RBFOX1: variants seen among roughly 807,000 people sequenced by gnomAD.
RBFOX1 encodes RNA binding protein fox-1 homolog 1.
Under a neutral mutation model 57.7 loss-of-function variants are expected in RBFOX1, and 8 were observed. The observed-to-expected ratio is 0.14, with a 90% CI of 0.08 to 0.25. The LOEUF is 0.25. RBFOX1 is among the 10% of genes least tolerant of loss of function. The pLI, the probability that RBFOX1 is intolerant of heterozygous loss-of-function variation, is 1.00. For synonymous variants in RBFOX1, 326 were observed against 222.4 expected, an observed-to-expected ratio of 1.47 and a Z score of -4.15; for missense variants, 611 against 548.5, an observed-to-expected ratio of 1.11 and a Z score of -1.14.
intron 2 of RBFOX1, among the ~76,000 whole-genome samples, chr16:5,483,611 G>A (rs537100241): frequency 1.3e-5 from 2 of 152,290 alleles, no homozygotes; most frequent in Non-Finnish European, 2.9e-5. Flanking sequence ...TGCTACCTCT[G>A]GATATGCCAA....
intron 4 of RBFOX1, among the ~76,000 whole-genome samples, chr16:7,183,331 T>C (rs932358142): frequency 6.6e-6 from 1 of 152,176 alleles, no homozygotes; most frequent in African/African-American, 2.4e-5. Context: ...GGGTAGGGGT[T>C]GATCTCAAAT....
intron 3 of RBFOX1, among the ~76,000 whole-genome samples, chr16:7,014,828 A>C (rs937623280): frequency 6.6e-6 from 1 of 152,064 alleles, no homozygotes; most frequent in African/African-American, 2.4e-5. Context: ...GGATTCAAGC[A>C]CTTCTCCTGC....
At chr16:5,323,121 A>C (rs1422867158) in intron 1 of RBFOX1, among the ~76,000 whole-genome samples, 1 of 152,230 alleles carries the variant, frequency 6.6e-6, no homozygotes, top group Non-Finnish European at 1.5e-5. Flanking sequence ...CAAGTGATTT[A>C]ATGCTTTGAA....
At chr16:6,891,561 T>A (rs1195401010) in intron 3 of RBFOX1, among the ~76,000 whole-genome samples, 1 of 152,160 alleles carries the variant, frequency 6.6e-6, no homozygotes, top group East Asian at 1.9e-4. Context: ...GATGGTTAGT[T>A]TTTTCCAGTG....
rs527251395 is a variant in RBFOX1 at position 7,087,909 on chromosome 16, T to G, written c.27+35811T>G. Among the ~76,000 whole-genome samples, 3 of 152,278 alleles carry G rather than the reference T, an allele frequency of 2.0e-5. No individual in the cohort carries two copies. The East Asian group carries it at 5.8e-4, about 29-fold the overall frequency. ...CTCTCTTTCTCTTTCTCTCTCTCTC[T>G]CGCTCTCTCTTTCTCTCTGATTAAT... On this transcript the variant is annotated intron_variant, in intron 4 of 15. Coordinates refer to ENST00000550418, the MANE Select transcript of RBFOX1 (RefSeq NM_018723.4).
chr16:6,117,482 GC>G (rs1166226934), intron 1 of RBFOX1, among the ~76,000 whole-genome samples: 2 of 152,336 alleles, frequency 1.3e-5, no homozygotes, highest in East Asian at 3.9e-4. Flanking sequence ...AAGAGGTGTG[GC>G]CATTCAGATG....
intron 3 of RBFOX1, among the ~76,000 whole-genome samples, chr16:6,762,011 T>C (rs1314858682): frequency 6.6e-6 from 1 of 152,142 alleles, no homozygotes; most frequent in Non-Finnish European, 1.5e-5. Flanking sequence ...TCGACAACTC[T>C]ACAGGTGCTA....
intron 4 of RBFOX1, among the ~76,000 whole-genome samples, chr16:7,192,206 C>G (rs976844076): frequency 6.6e-6 from 1 of 152,222 alleles, no homozygotes; most frequent in Non-Finnish European, 1.5e-5. Context: ...TCAGAATCTC[C>G]TGTGTTTTAC....
intron 4 of RBFOX1, among the ~76,000 whole-genome samples, chr16:7,492,304 C>A (rs1024367008): frequency 6.6e-6 from 1 of 151,910 alleles, no homozygotes; most frequent in Non-Finnish European, 1.5e-5. Context: ...TGTTTCTGTC[C>A]TTGGTGCTGA....
chr16:6,883,042 C>G (rs1447295040), intron 3 of RBFOX1, among the ~76,000 whole-genome samples: 5 of 152,134 alleles, frequency 3.3e-5, no homozygotes, highest in African/African-American at 9.7e-5. Context: ...CCATATGTCT[C>G]CTGACATTGC....
chr16:6,934,695 C>T (rs1423699678), intron 3 of RBFOX1, among the ~76,000 whole-genome samples: 1 of 136,530 alleles, frequency 7.3e-6, no homozygotes, highest in Admixed American at 6.9e-5. Context: ...AAAATATGAT[C>T]TCGAGATTTT....
At chr16:7,121,872 C>G (rs1312341283) in intron 4 of RBFOX1, among the ~76,000 whole-genome samples, 1 of 151,794 alleles carries the variant, frequency 6.6e-6, no homozygotes, top group Admixed American at 6.6e-5. Context: ...CAGAAATAGA[C>G]CCACAAAATA....
At chr16:6,745,184 G>T (rs148670305) in intron 3 of RBFOX1, among the ~76,000 whole-genome samples, 1,548 of 152,152 alleles carry the variant, frequency 0.01, 18 homozygotes, top group Non-Finnish European at 0.014. Flanking sequence ...TAAATCTGGA[G>T]TTGAAAATCT....
intron 3 of RBFOX1, among the ~76,000 whole-genome samples, chr16:6,800,209 C>G (rs575247802): frequency 6.9e-6 from 1 of 145,916 alleles, no homozygotes; most frequent in East Asian, 1.9e-4. Flanking sequence ...TTGCTGTTTT[C>G]CTGCCTCATA....
intron 6 of RBFOX1, among the ~76,000 whole-genome samples, chr16:7,581,258 C>A (rs142993400): frequency 6.6e-6 from 1 of 152,144 alleles, no homozygotes; most frequent in Non-Finnish European, 1.5e-5. Context: ...CCAACTCCTG[C>A]AGAACAGAGA....
At chr16:6,439,722 ATAT>A (rs924853533) in intron 2 of RBFOX1, among the ~76,000 whole-genome samples, 9 of 152,158 alleles carry the variant, frequency 5.9e-5, no homozygotes, top group Admixed American at 2.0e-4. Context: ...AGGGGTAGAC[ATAT>A]TATTTGGGAT....
chr16:5,976,262 C>G (rs187133590), intron 4 of RBFOX1, among the ~76,000 whole-genome samples: 3 of 152,158 alleles, frequency 2.0e-5, no homozygotes, highest in Non-Finnish European at 4.4e-5. Flanking sequence ...TACAAGAAAA[C>G]AACAGCAGCA....
chr16:5,715,294 T>A (rs1316746290), intron 3 of RBFOX1, among the ~76,000 whole-genome samples: 1 of 152,206 alleles, frequency 6.6e-6, no homozygotes, highest in Non-Finnish European at 1.5e-5. Flanking sequence ...GATTAAACTG[T>A]AAATTGTGGG....
At position 7,215,785 on chromosome 16, in the gene RBFOX1, C is replaced by T. The variant is rs533673229; in HGVS notation, c.27+163687C>T. Reference sequence around the variant, plus strand: ...TGTTGTCCAGGCGGGAGTGCAGTGGCGTGATCTCGGCTCACTGCAAGCTCT... The same window carrying T: ...TGTTGTCCAGGCGGGAGTGCAGTGGTGTGATCTCGGCTCACTGCAAGCTCT... On this transcript the variant is annotated intron_variant, in intron 4 of 15. Transcript: ENST00000550418. 1.3e-4 allele frequency among the ~76,000 whole-genome samples: 18 copies of T among 143,214 alleles called. 1 individual carries two copies. The highest frequency in any genetic ancestry group is 8.5e-4 in the East Asian group (4 of 4,710). The allele number at this position is 143,214 out of a possible 152,430, so 94.0% of individuals were successfully genotyped here. A position where few individuals can be genotyped will look rare whatever the true frequency, so the allele number is the denominator to read the frequency against.
Sources: gnomAD v4.1 joint callset for allele counts (sites outside exome capture counted in the v4.1 genomes callset) on GRCh38, gnomAD v4.1.1 for gene constraint, MANE v1.5 for transcripts, NCBI Gene and HGNC (gene_info 2026-07-23, HGNC 2026-07-21) for gene names.